The following GALNT10 variants were observed in gnomAD, a reference collection of about 807,000 sequenced individuals.
GALNT10 encodes GalNAc transferase 10.
GALNT10 carries 41 observed loss-of-function variants against 75.0 expected under a neutral mutation model. The observed-to-expected ratio is 0.55, with a 90% CI of 0.43 to 0.71. GALNT10 has a LOEUF of 0.71. Among genes scored for constraint, GALNT10 ranks in the 30% least tolerant of loss-of-function variants. GALNT10 has a pLI of 0.00. For missense variants in GALNT10, 727 were observed against 818.5 expected (o/e 0.89, Z 1.36); for synonymous variants, 302 against 313.0 (o/e 0.96, Z 0.37).
At chr5:154,355,738 G>A (rs1424867257) in intron 4 of GALNT10, among the ~76,000 whole-genome samples, 1 of 150,886 alleles carries the variant, frequency 6.6e-6, no homozygotes, top group East Asian at 1.9e-4. Flanking sequence ...ACATGCTGGG[G>A]CTAAGTGACA....
At chr5:154,390,906 A>G (rs1755885695) in intron 7 of GALNT10, among the ~76,000 whole-genome samples, 1 of 152,060 alleles carries the variant, frequency 6.6e-6, no homozygotes. Context: ...GAAGTATCTC[A>G]TCCGGGAGGG....
chr5:154,228,718 T>C (rs981015807), intron 1 of GALNT10, among the ~76,000 whole-genome samples: 1 of 152,194 alleles, frequency 6.6e-6, no homozygotes, highest in East Asian at 1.9e-4. Context: ...TGGTATAGAG[T>C]GAACTGCCAA....
chr5:154,308,680 T>C (rs1344485655), intron 3 of GALNT10, among the ~76,000 whole-genome samples: 1 of 152,182 alleles, frequency 6.6e-6, no homozygotes, highest in Non-Finnish European at 1.5e-5. Context: ...TGTGTGTTTG[T>C]TATGGGCTCC....
At chr5:154,386,910 A>C (rs1755816999) in intron 7 of GALNT10, 1 of 181,762 alleles carries the variant, frequency 5.5e-6, no homozygotes, top group African/African-American at 2.4e-5. Flanking sequence ...TAAAGTTACA[A>C]AGGCCTGGAT....
chr5:154,234,586 C>T (rs941312426), intron 1 of GALNT10, among the ~76,000 whole-genome samples: 2 of 152,176 alleles, frequency 1.3e-5, no homozygotes, highest in African/African-American at 2.4e-5. Context: ...TCATTTAACA[C>T]GTGAAGGAAG....
At chr5:154,265,332 G>A (rs75175052) in intron 1 of GALNT10, among the ~76,000 whole-genome samples, 2,250 of 152,228 alleles carry the variant, frequency 0.015, 55 homozygotes, top group African/African-American at 0.05. Context: ...CAGGAAATAA[G>A]GGACCTCAGA....
At chr5:154,340,754 T>C (rs1055984877) in intron 4 of GALNT10, among the ~76,000 whole-genome samples, 1 of 152,200 alleles carries the variant, frequency 6.6e-6, no homozygotes, top group Non-Finnish European at 1.5e-5. Flanking sequence ...AGAACATCTT[T>C]ATCAGACAAC....
intron 4 of GALNT10, among the ~76,000 whole-genome samples, chr5:154,347,431 A>G (rs1388884817): frequency 6.6e-6 from 1 of 151,634 alleles, no homozygotes; most frequent in African/African-American, 2.4e-5. Flanking sequence ...TGATGCAACC[A>G]TAGCCCACTG....
intron 1 of GALNT10, among the ~76,000 whole-genome samples, chr5:154,276,312 C>G (rs1753950163): frequency 6.6e-6 from 1 of 152,168 alleles, no homozygotes; most frequent in Non-Finnish European, 1.5e-5. Context: ...GGGTTGCTGT[C>G]TGTTCCTAGA....
intron 4 of GALNT10, among the ~76,000 whole-genome samples, chr5:154,367,961 T>C (rs75965857): frequency 0.045 from 6,875 of 152,254 alleles, 496 homozygotes; most frequent in African/African-American, 0.16. Flanking sequence ...GTTTTGATCA[T>C]TTAGAGTTCC....
intron 1 of GALNT10, among the ~76,000 whole-genome samples, chr5:154,277,212 G>A (rs1232042463): frequency 2.6e-5 from 4 of 151,800 alleles, no homozygotes; most frequent in African/African-American, 4.8e-5. Context: ...TTGGGGCTTG[G>A]CTCTCTGTCA....
intron 1 of GALNT10, among the ~76,000 whole-genome samples, chr5:154,293,613 A>ATATATATATATATTTTTTTTTTTTTTTTT: frequency 9.1e-6 from 1 of 109,416 alleles, no homozygotes; most frequent in African/African-American, 4.2e-5. Flanking sequence ...ATATATATAT[A>ATATATATATATATTTTTTTTTTTTTTTTT]TTTTTTTTTT....
chr5:154,392,403 T>C (rs1253159034), intron 7 of GALNT10: 2 of 152,194 alleles, frequency 1.3e-5, no homozygotes, highest in Admixed American at 1.3e-4. Context: ...ATATACCTCC[T>C]TGGTACTACC....
rs1756188495 is a variant in GALNT10 at position 154,402,430 on chromosome 5, A to G, written c.1057-1674A>G. Among the ~76,000 whole-genome samples, 1 of 152,126 alleles carries G rather than the reference A, an allele frequency of 6.6e-6. No individual in the cohort carries two copies. The highest frequency in any genetic ancestry group is 2.4e-5 in the African/African-American group (1 of 41,412). On this transcript the variant is annotated intron_variant, in intron 7 of 11. Transcript: ENST00000297107. This position sits in a 1 kb window ranked among gnomAD's most constrained non-coding sequence, Gnocchi z 4.2. ...TGGGGAGCATAAAGTAGCATCTCTC[A>G]CATCCCATACACCCCTACAACGAAT...
At chr5:154,241,445 T>C (rs1753336312) in intron 1 of GALNT10, among the ~76,000 whole-genome samples, 1 of 152,166 alleles carries the variant, frequency 6.6e-6, no homozygotes, top group East Asian at 1.9e-4. Context: ...GAGATAACCA[T>C]AGTTGCATTG....
At chr5:154,205,849 C>T (rs899995799) in intron 1 of GALNT10, among the ~76,000 whole-genome samples, 2 of 152,172 alleles carry the variant, frequency 1.3e-5, no homozygotes, top group African/African-American at 2.4e-5. Flanking sequence ...AGCATCTCCC[C>T]TAGAGGCTTT....
At chr5:154,344,562 G>A (rs548190650) in intron 4 of GALNT10, among the ~76,000 whole-genome samples, 7 of 152,006 alleles carry the variant, frequency 4.6e-5, no homozygotes, top group Admixed American at 1.3e-4. Flanking sequence ...CAGATATTCC[G>A]CTTCTATTCA....
In GALNT10 at chr5:154,292,011, A is replaced by G. The variant is rs143890617; in HGVS notation, c.160-2805A>G. Among the ~76,000 whole-genome samples, 5 of 152,220 alleles carry G rather than the reference A, an allele frequency of 3.3e-5. No homozygotes were observed. The East Asian group carries it at 9.6e-4, about 29-fold the overall frequency. ...AAAAATCTTGATAAAACAATATGAA[A>G]TCTCCCCATTTTCACACTAGAATTA... On this transcript the variant is annotated intron_variant, in intron 1 of 11. Coordinates refer to ENST00000297107, the MANE Select transcript of GALNT10 (RefSeq NM_198321.4).
chr5:154,339,327 A>G (rs1339381980), intron 4 of GALNT10, among the ~76,000 whole-genome samples: 1 of 152,206 alleles, frequency 6.6e-6, no homozygotes, highest in African/African-American at 2.4e-5. Flanking sequence ...CTCCTTTCAT[A>G]TCTTTGACAT....
Sources: allele counts gnomAD v4.1 joint callset (sites outside exome capture counted in the v4.1 genomes callset), GRCh38; gene constraint gnomAD v4.1.1; non-coding constraint Gnocchi (gnomAD v3.1); transcripts MANE v1.5; gene names NCBI Gene and HGNC (gene_info 2026-07-23, HGNC 2026-07-21).